Variants in CORIN observed in about 807,000 individuals in gnomAD.
CORIN encodes corin, serine peptidase.
In CORIN, 117 loss-of-function variants were observed where a neutral mutation model predicts 125.3. The observed-to-expected ratio is 0.93, with a 90% confidence interval of 0.80 to 1.09. The LOEUF (loss-of-function observed/expected upper bound fraction) is 1.09, where lower values mean the gene tolerates loss of function less well. Ranked by LOEUF, CORIN falls within the 50% of genes least tolerant of loss-of-function variation. CORIN has a pLI of 0.00. For missense variants in CORIN, 1,253 were observed against 1,306.7 expected, an observed-to-expected ratio of 0.96 and a Z score of 0.63; for synonymous variants, 450 against 466.4, an observed-to-expected ratio of 0.96 and a Z score of 0.45.
chr4:47,639,964 C>T (rs1723174085), intron 16 of CORIN, among the ~76,000 whole-genome samples: 1 of 151,800 alleles, frequency 6.6e-6, no homozygotes, highest in Non-Finnish European at 1.5e-5. Context: ...TACTAGTACT[C>T]ATTTCTTTGG....
chr4:47,603,614 A>T lies in CORIN; in HGVS notation c.2595T>A (p.His865Gln). ...AGCGTGTCTGCATGAACACTGATGG[A>T]TGGTCTAGATTGTTGATGCCAAGCA... ...KVVLGINNLDHPSVFMQTRFV... is the reference protein window; with the variant it reads ...KVVLGINNLDQPSVFMQTRFV... Residue 865 changes from histidine to glutamine, a missense_variant, in exon 20 of 22, where the codon CAT (histidine) becomes CAA (glutamine). Coordinates refer to ENST00000273857, the MANE Select transcript of CORIN (RefSeq NM_006587.4). 2 of 1,614,182 alleles carry T rather than the reference A, an allele frequency of 1.2e-6. No homozygotes were observed. Among genetic ancestry groups the T allele is most frequent in the South Asian group, 1.1e-5 (1 of 91,080 alleles).
At chr4:47,639,168 C>A (rs1287640680) in intron 16 of CORIN, among the ~76,000 whole-genome samples, 1 of 152,086 alleles carries the variant, frequency 6.6e-6, no homozygotes, top group Non-Finnish European at 1.5e-5. Context: ...CACTACAATG[C>A]CGTTCTCTAT....
intron 12 of CORIN, among the ~76,000 whole-genome samples, chr4:47,661,019 G>C (rs931337156): frequency 1.3e-5 from 2 of 151,564 alleles, no homozygotes; most frequent in Non-Finnish European, 1.5e-5. Flanking sequence ...AGATCCTGTC[G>C]TTTGCAACAA....
In CORIN at chr4:47,786,892, C is replaced by A; in HGVS notation, c.242G>T (p.Gly81Val). ...TLQKVYFKSN[G>V]SEPLVTDGEI... is the part of the protein sequence containing the mutation. Reference sequence around the variant, plus strand: ...ACCATCAGTGACCAAAGGTTCACTCCCATTTGATTTAAAATAGACCTTTTG... The same window carrying A: ...ACCATCAGTGACCAAAGGTTCACTCACATTTGATTTAAAATAGACCTTTTG... Residue 81 changes from glycine to valine, a missense_variant, in exon 3 of 22, where the codon GGG (glycine) becomes GTG (valine). Transcript: ENST00000273857. The A allele has an allele frequency of 6.2e-7, 1 of 1,613,262 alleles. No individual in the cohort carries two copies. Among genetic ancestry groups the A allele is most frequent in the Non-Finnish European group, 8.5e-7 (1 of 1,179,326 alleles).
chr4:47,835,182 T>C (rs1227219046), intron 1 of CORIN, among the ~76,000 whole-genome samples: 1 of 152,194 alleles, frequency 6.6e-6, no homozygotes. Flanking sequence ...GAGTGTTTAG[T>C]GTGAACCTAG....
chr4:47,629,717 C>T (rs1722731016), intron 16 of CORIN, among the ~76,000 whole-genome samples: 1 of 152,104 alleles, frequency 6.6e-6, no homozygotes, highest in Non-Finnish European at 1.5e-5. Context: ...GGTCTTGATA[C>T]TTTCACTTAG....
intron 1 of CORIN, among the ~76,000 whole-genome samples, chr4:47,822,890 A>C (rs1732580999): frequency 6.7e-6 from 1 of 150,204 alleles, no homozygotes; most frequent in Non-Finnish European, 1.5e-5. Flanking sequence ...ATATCGGCTC[A>C]CTGCAACCTC....
chr4:47,778,199 A>T (rs1319261127), intron 3 of CORIN, among the ~76,000 whole-genome samples: 1 of 152,156 alleles, frequency 6.6e-6, no homozygotes, highest in Non-Finnish European at 1.5e-5. Context: ...GGAGAGAAAA[A>T]ATTTGAGCCA....
At chr4:47,714,722 T>G (rs1468686165) in intron 5 of CORIN, among the ~76,000 whole-genome samples, 1 of 152,224 alleles carries the variant, frequency 6.6e-6, no homozygotes, top group Non-Finnish European at 1.5e-5. Context: ...CAATATTTTA[T>G]TCAGAAAAAC....
At chr4:47,706,612 T>C (rs1577847466) in intron 5 of CORIN, 1 of 1,605,136 alleles carries the variant, frequency 6.2e-7, no homozygotes, top group East Asian at 2.2e-5. Flanking sequence ...GGGTGCAACT[T>C]ACGGCAAGCC....
rs540034596 is a variant in CORIN at position 47,691,238 on chromosome 4, C to A, written c.913+1732G>T. Among the ~76,000 whole-genome samples the A allele has an allele frequency of 1.7e-4, 26 of 152,278 alleles. 1 individual carries two copies. In the South Asian group the frequency reaches 5.2e-3, roughly 30 times the overall value. On this transcript the variant is annotated intron_variant, in intron 6 of 21. Transcript: ENST00000273857. ...GATACAGGCATATGCAGAATTTGAA[C>A]AATACCATAACTTGGGCCACAATGG...
At chr4:47,618,317 G>C (rs1181841123) in intron 19 of CORIN, among the ~76,000 whole-genome samples, 1 of 131,778 alleles carries the variant, frequency 7.6e-6, no homozygotes, top group Non-Finnish European at 1.6e-5. Context: ...TTGGGCAACA[G>C]GAGTGAAACT....
chr4:47,822,447 C>T lies in CORIN; in HGVS notation c.64-15400G>A, dbSNP rs540245886. Among the ~76,000 whole-genome samples the T allele has an allele frequency of 2.0e-5, 3 of 152,356 alleles. No individual in the cohort carries two copies. The South Asian group carries it at 6.2e-4, about 32-fold the overall frequency. On this transcript the variant is annotated intron_variant, in intron 1 of 21. Transcript: ENST00000273857. ...ACCCCACTGGTTTTTCCATTAGTCT[C>T]AATAATACCCCTTCTACCAAAAGGA...
At chr4:47,796,159 C>T (rs1731279806) in intron 2 of CORIN, among the ~76,000 whole-genome samples, 1 of 151,984 alleles carries the variant, frequency 6.6e-6, no homozygotes, top group Admixed American at 6.6e-5. Flanking sequence ...ATCTGCACTC[C>T]CATGTTCCGT....
chr4:47,765,271 A>T (rs1404804757), intron 3 of CORIN, among the ~76,000 whole-genome samples: 1 of 151,468 alleles, frequency 6.6e-6, no homozygotes, highest in Non-Finnish European at 1.5e-5. Context: ...AGATCGCGCC[A>T]CTGCACCCCA....
intron 19 of CORIN, among the ~76,000 whole-genome samples, chr4:47,613,312 G>A (rs536124758): frequency 1.3e-5 from 2 of 152,284 alleles, no homozygotes; most frequent in Non-Finnish European, 2.9e-5. Context: ...AATTAGCCGA[G>A]TGTGGTGGCA....
At chr4:47,753,727 C>A (rs1053865889) in intron 4 of CORIN, among the ~76,000 whole-genome samples, 1 of 152,046 alleles carries the variant, frequency 6.6e-6, no homozygotes, top group African/African-American at 2.4e-5. Flanking sequence ...TCCCTTGTTC[C>A]CTGAAAATCG....
chr4:47,627,816 T>C (rs1038927282), intron 16 of CORIN, among the ~76,000 whole-genome samples: 4 of 152,198 alleles, frequency 2.6e-5, no homozygotes, highest in African/African-American at 7.2e-5. Context: ...CTTTAGATTT[T>C]GTTATTTAAT....
Position 47,744,417 on chromosome 4 carries a change from C to T in CORIN, c.784G>A (p.Glu262Lys), listed in dbSNP as rs866164544. ...AGACACCTACATTGCTTTCCGTTTTCCTGCTGAGGTGAGAAGCAAATTCTG... is the reference window on the plus strand; with the variant it reads ...AGACACCTACATTGCTTTCCGTTTTTCTGCTGAGGTGAGAAGCAAATTCTG... Reference protein sequence around the residue: ...VSRICFSPQQENGKQLLCGRG... With the variant: ...VSRICFSPQQKNGKQLLCGRG... Residue 262 changes from glutamate to lysine, a missense_variant, in exon 5 of 22, where the codon GAA (glutamate) becomes AAA (lysine). Glu to Lys is a moderately conservative substitution (Grantham distance 56, BLOSUM62 1). Coordinates refer to ENST00000273857, the MANE Select transcript of CORIN (RefSeq NM_006587.4). The T allele has an allele frequency of 6.2e-7, 1 of 1,613,362 alleles. No individual in the cohort carries two copies. Among genetic ancestry groups the T allele is most frequent in the Non-Finnish European group, 8.5e-7 (1 of 1,179,788 alleles).
Sources: allele counts gnomAD v4.1 joint callset (sites outside exome capture counted in the v4.1 genomes callset), GRCh38; gene constraint gnomAD v4.1.1; transcripts MANE v1.5; gene names NCBI Gene and HGNC (gene_info 2026-07-23, HGNC 2026-07-21).